The following CPS1 variants were observed in gnomAD, a reference collection of about 807,000 sequenced individuals.
CPS1 encodes carbamoyl-phosphate synthase [ammonia], mitochondrial.
CPS1 carries 109 observed loss-of-function variants against 174.6 expected under a neutral mutation model. The ratio of observed to expected loss-of-function variants is 0.62; its 90% CI spans 0.53 to 0.73. The LOEUF is 0.73. Ranked by LOEUF, CPS1 falls within the 30% of genes least tolerant of loss-of-function variation. The pLI is 0.00. For missense variants in CPS1, 1,689 were observed against 1,821.9 expected (o/e 0.93, Z 1.33); for synonymous variants, 637 against 632.0 (o/e 1.01, Z -0.12).
chr2:210,502,826 A>T (rs993072129), intron 1 of CPS1, among the ~76,000 whole-genome samples: 1 of 152,134 alleles, frequency 6.6e-6, no homozygotes, highest in African/African-American at 2.4e-5. Context: ...CAAAAAGGGT[A>T]ACTTGTCCCT....
chr2:210,570,512 A>C (rs185748155), intron 1 of CPS1, among the ~76,000 whole-genome samples: 74 of 152,072 alleles, frequency 4.9e-4, no homozygotes, highest in Middle Eastern at 3.4e-3. Context: ...CAGATGAGAA[A>C]AGAGAAAAGC....
At chr2:210,643,390 T>C (rs976297265) in intron 25 of CPS1, among the ~76,000 whole-genome samples, 1 of 152,162 alleles carries the variant, frequency 6.6e-6, no homozygotes, top group African/African-American at 2.4e-5. Context: ...ATTATTACAG[T>C]TATTATTACT....
chr2:210,556,924 G>A (rs2106037604), intron 1 of CPS1, 65 bp downstream of exon 1: 2 of 1,566,566 alleles, frequency 1.3e-6, no homozygotes, highest in East Asian at 2.2e-5. Flanking sequence ...TGAAGCAAAG[G>A]TGTCCCTTAC....
At chr2:210,677,183 G>C in intron 37 of CPS1, 47 bp downstream of exon 37, 1 of 1,588,452 alleles carries the variant, frequency 6.3e-7, no homozygotes, top group South Asian at 1.1e-5. Flanking sequence ...TTTTATTTCT[G>C]TGCCTCCCTT....
intron 1 of CPS1, among the ~76,000 whole-genome samples, chr2:210,500,917 C>T (rs1695122201): frequency 6.6e-6 from 1 of 152,226 alleles, no homozygotes; most frequent in Non-Finnish European, 1.5e-5. Context: ...GGCTCTAACC[C>T]TACAGCAAAT....
intron 1 of CPS1, among the ~76,000 whole-genome samples, chr2:210,479,412 T>G (rs1394744736): frequency 6.8e-6 from 1 of 146,522 alleles, no homozygotes; most frequent in Non-Finnish European, 1.5e-5. Flanking sequence ...CACTGCAACC[T>G]CTGACTCCCT....
At chr2:210,565,947 G>A (rs1311194633) in intron 1 of CPS1, among the ~76,000 whole-genome samples, 2 of 152,170 alleles carry the variant, frequency 1.3e-5, no homozygotes, top group Non-Finnish European at 2.9e-5. Flanking sequence ...TGAAGCTTCA[G>A]GAAGTAGAAC....
At chr2:210,563,230 C>T (rs1268019534) in intron 1 of CPS1, among the ~76,000 whole-genome samples, 2 of 152,088 alleles carry the variant, frequency 1.3e-5, no homozygotes, top group African/African-American at 2.4e-5. Flanking sequence ...ATTGCTTACT[C>T]AAGGGCTCAT....
rs116204194 is a variant in CPS1, at chr2:210,593,876, A to G, written c.1165-632A>G. 8.0e-3 allele frequency among the ~76,000 whole-genome samples: 1,219 copies of G among 152,144 alleles called. 24 individuals are homozygous for G. The highest frequency in any genetic ancestry group is 0.027 in the African/African-American group (1,116 of 41,552). ...TCAAATTTAGTTATGTGTATCATCTAACACATGCTAAGTAGTTTTTTAATT... is the reference window on the plus strand; with the variant it reads ...TCAAATTTAGTTATGTGTATCATCTGACACATGCTAAGTAGTTTTTTAATT... On this transcript the variant is annotated intron_variant, in intron 11 of 37. Transcript: ENST00000233072.
chr2:210,577,563 C>A (rs1372336744), intron 4 of CPS1, 53 bp downstream of exon 4: 4 of 1,319,942 alleles, frequency 3.0e-6, no homozygotes, highest in African/African-American at 1.5e-5. Context: ...TGAGAAGGTG[C>A]CTGTAGATTC....
chr2:210,582,740 T>C (rs530792143), intron 6 of CPS1, 31 bp downstream of exon 6: 1 of 1,506,624 alleles, frequency 6.6e-7, no homozygotes, highest in Non-Finnish European at 9.2e-7. Context: ...TTTTGTAGTT[T>C]TATTTGATCC....
chr2:210,598,888 C>G (rs1024721324), intron 13 of CPS1, among the ~76,000 whole-genome samples: 1 of 151,916 alleles, frequency 6.6e-6, no homozygotes, highest in African/African-American at 2.4e-5. Context: ...TAAGAACTCT[C>G]CACCCCAAAA....
At chr2:210,565,023 T>A (rs958242113) in intron 1 of CPS1, among the ~76,000 whole-genome samples, 2 of 151,152 alleles carry the variant, frequency 1.3e-5, no homozygotes, top group Non-Finnish European at 1.5e-5. Flanking sequence ...TAAAAATAAA[T>A]AAATAAATAA....
chr2:210,571,855 T>TTG (rs71043997), intron 1 of CPS1, among the ~76,000 whole-genome samples: 6,617 of 138,800 alleles, frequency 0.048, 186 homozygotes, highest in Middle Eastern at 0.09. Context: ...CTACTAAAGT[T>TTG]TGTGTGTGTG....
intron 1 of CPS1, among the ~76,000 whole-genome samples, chr2:210,481,709 C>T (rs945096584): frequency 6.6e-5 from 10 of 152,226 alleles, no homozygotes; most frequent in Non-Finnish European, 1.2e-4. Context: ...CTAGTAGCCA[C>T]GTTATTTGTG....
chr2:210,493,071 A>G (rs60428496), intron 1 of CPS1, among the ~76,000 whole-genome samples: 8,124 of 152,266 alleles, frequency 0.053, 668 homozygotes, highest in African/African-American at 0.18. Context: ...GCCTGCATTT[A>G]TATTTGAACA....
intron 1 of CPS1, among the ~76,000 whole-genome samples, chr2:210,506,987 G>C (rs1695305209): frequency 6.6e-6 from 1 of 152,308 alleles, no homozygotes; most frequent in Non-Finnish European, 1.5e-5. Flanking sequence ...CCCTAATCTA[G>C]CAAGGCAGGC....
At chr2:210,512,604 C>T (rs930236377) in intron 1 of CPS1, among the ~76,000 whole-genome samples, 12 of 150,882 alleles carry the variant, frequency 8.0e-5, no homozygotes, top group Non-Finnish European at 1.5e-4. Flanking sequence ...TTCAATCTAC[C>T]ATTAATGGGC....
intron 1 of CPS1, among the ~76,000 whole-genome samples, chr2:210,512,869 T>C (rs11892867): frequency 1.9e-5 from 1 of 52,310 alleles, no homozygotes; most frequent in Non-Finnish European, 4.2e-5. Flanking sequence ...TATAGATATA[T>C]ATATATAGAG....
Sources: allele counts gnomAD v4.1 joint callset (sites outside exome capture counted in the v4.1 genomes callset), GRCh38; gene constraint gnomAD v4.1.1; transcripts MANE v1.5; gene names NCBI Gene and HGNC (gene_info 2026-07-23, HGNC 2026-07-21).